The following PCBD2 variants were observed in gnomAD, a reference collection of about 807,000 sequenced individuals.
The protein encoded by PCBD2 is pterin-4-alpha-carbinolamine dehydratase 2.
PCBD2 carries 12 observed loss-of-function variants against 16.4 expected under a neutral mutation model. The ratio of observed to expected loss-of-function variants is 0.73; its 90% CI spans 0.47 to 1.19. PCBD2 has a LOEUF of 1.19. Ranked by LOEUF, PCBD2 falls within the 50% of genes most tolerant of loss-of-function variation. PCBD2 has a pLI of 0.00. For synonymous variants in PCBD2, 58 were observed against 61.8 expected (o/e 0.94, Z 0.29); for missense variants, 138 against 156.8 (o/e 0.88, Z 0.64).
At chr5:134,958,863 A>G (rs1316813750) in intron 2 of PCBD2, among the ~76,000 whole-genome samples, 177 bp from the exon 3 acceptor site, 1 of 152,192 alleles carries the variant, frequency 6.6e-6, no homozygotes, top group Admixed American at 6.5e-5. Flanking sequence ...AGTAGGTCAC[A>G]GTCCTGCTGC....
Position 134,906,924 on chromosome 5 carries a change from G to C in PCBD2, c.84+1701G>C, listed in dbSNP as rs1357871402. 4.6e-5 allele frequency among the ~76,000 whole-genome samples: 7 copies of C among 152,240 alleles called. No individual in the cohort carries two copies. The East Asian group carries it at 1.3e-3, about 29-fold the overall frequency. ...AATTAAGCCCACCACCAAGGGTTCTGCTGTGAATGTGCCCTCATGGGGGCC... is the reference window on the plus strand; with the variant it reads ...AATTAAGCCCACCACCAAGGGTTCTCCTGTGAATGTGCCCTCATGGGGGCC... On this transcript the variant is annotated intron_variant, in intron 1 of 3. Transcript: ENST00000254908.
chr5:134,908,049 A>C (rs1251628510), intron 1 of PCBD2, among the ~76,000 whole-genome samples: 1 of 150,510 alleles, frequency 6.6e-6, no homozygotes, highest in Non-Finnish European at 1.5e-5. Flanking sequence ...CCTCCCAAGT[A>C]GCTGAGACTA....
At chr5:134,910,613 C>G in intron 2 of PCBD2, 147 bp downstream of exon 2, 1 of 1,072,634 alleles carries the variant, frequency 9.3e-7, no homozygotes, top group Non-Finnish European at 1.3e-6. Flanking sequence ...AGAGTGACAT[C>G]CTTGTTGACA....
intron 1 of PCBD2, among the ~76,000 whole-genome samples, chr5:134,906,292 C>T (rs1338671361): frequency 1.3e-5 from 2 of 149,084 alleles, no homozygotes; most frequent in South Asian, 2.1e-4. Context: ...CAAGCTCCGC[C>T]TCCCGGGTTC....
At chr5:134,913,519 G>C (rs151182027) in intron 2 of PCBD2, among the ~76,000 whole-genome samples, 1 of 152,214 alleles carries the variant, frequency 6.6e-6, no homozygotes, top group East Asian at 1.9e-4. Flanking sequence ...ACGAGGGGAA[G>C]GGTCAGAGCA....
At chr5:134,911,924 C>A (rs959248134) in intron 2 of PCBD2, among the ~76,000 whole-genome samples, 1 of 152,206 alleles carries the variant, frequency 6.6e-6, no homozygotes, top group Non-Finnish European at 1.5e-5. Context: ...TAGCATTTTC[C>A]AAGCTTATTA....
chr5:134,910,876 G>A (rs1233266924), intron 2 of PCBD2, among the ~76,000 whole-genome samples: 2 of 152,068 alleles, frequency 1.3e-5, no homozygotes, highest in East Asian at 1.9e-4. Flanking sequence ...CTGCTGCCTC[G>A]ACCTCCTGGG....
At chr5:134,958,694 C>T (rs1751440532) in intron 2 of PCBD2, among the ~76,000 whole-genome samples, 1 of 152,148 alleles carries the variant, frequency 6.6e-6, no homozygotes, top group African/African-American at 2.4e-5. Flanking sequence ...TATTTGGAGC[C>T]AGGTAGTGAG....
intron 2 of PCBD2, chr5:134,928,160 G>T: frequency 2.6e-6 from 1 of 390,860 alleles, no homozygotes; most frequent in Non-Finnish European, 4.5e-6. Flanking sequence ...TACAATATTG[G>T]CTAAGAGGGA....
chr5:134,943,478 T>G lies in PCBD2; in HGVS notation c.217-15562T>G, dbSNP rs1298299370. 2.0e-5 allele frequency among the ~76,000 whole-genome samples: 3 copies of G among 152,236 alleles called. No individual in the cohort carries two copies. The East Asian group carries it at 5.8e-4, about 29-fold the overall frequency. On this transcript the variant is annotated intron_variant, in intron 2 of 3. Transcript: ENST00000254908. ...CCAGTATTGCAGATTTGTAATCTAT[T>G]ACTTTAAACTTTTACAAATGCTCAT... is the stretch of plus-strand genomic sequence containing the variant.
Position 134,927,699 on chromosome 5 carries a change from A to G in PCBD2, c.216+17233A>G, listed in dbSNP as rs75879538. The G allele has an allele frequency of 9.3e-5, 37 of 397,712 alleles. No homozygotes were observed. In the South Asian group the frequency reaches 2.8e-3, roughly 31 times the overall value. 24.6% of individuals were successfully genotyped at this position (397,712 alleles called of 1,614,324 possible). A position where few individuals can be genotyped will look rare whatever the true frequency, so the allele number is the denominator to read the frequency against. On this transcript the variant is annotated intron_variant, in intron 2 of 3. Transcript: ENST00000254908. ...GAAGATATAAAATATGATTAGTTCT[A>G]TGGCTGTGAATGTCATAATTAAGGA...
chr5:134,910,121 C>T (rs1399347857), intron 1 of PCBD2, among the ~76,000 whole-genome samples: 1 of 152,146 alleles, frequency 6.6e-6, no homozygotes, highest in Non-Finnish European at 1.5e-5. Flanking sequence ...TTTGAGGCAG[C>T]AGTAAGGGAG....
rs866716091 is a variant in PCBD2 at position 134,905,946 on chromosome 5, C to G, written c.84+723C>G. 4.8e-3 allele frequency among the ~76,000 whole-genome samples: 725 copies of G among 149,866 alleles called. 6 individuals carry two copies. The highest frequency in any genetic ancestry group is 0.017 in the African/African-American group (674 of 40,668). ...GGAGTGGAGTGGCGCGATCTCGGCT[C>G]ACTGCAACCTCCATCTCCTGGGTTC... On this transcript the variant is annotated intron_variant, in intron 1 of 3. Coordinates refer to ENST00000254908, the MANE Select transcript of PCBD2 (RefSeq NM_032151.5).
intron 2 of PCBD2, among the ~76,000 whole-genome samples, chr5:134,946,798 C>G (rs905324418): frequency 6.6e-6 from 1 of 152,128 alleles, no homozygotes; most frequent in Non-Finnish European, 1.5e-5. Flanking sequence ...AGTAGGCATT[C>G]TTTCTGCCCA....
intron 2 of PCBD2, 29 bp downstream of exon 2, chr5:134,910,495 G>A: frequency 6.2e-7 from 1 of 1,611,800 alleles, no homozygotes; most frequent in Non-Finnish European, 8.5e-7. Context: ...TGCTAGGGCT[G>A]TGGTCTATTT....
chr5:134,935,151 A>C (rs1751144261), intron 2 of PCBD2, among the ~76,000 whole-genome samples: 1 of 152,224 alleles, frequency 6.6e-6, no homozygotes, highest in East Asian at 1.9e-4. Flanking sequence ...GATTGGATTC[A>C]GGTGTAGCTT....
chr5:134,960,666 A>G lies in PCBD2; in HGVS notation c.378A>G (p.Ala126=). The G allele has an allele frequency of 6.2e-7, 1 of 1,611,228 alleles. No homozygotes were observed. Among genetic ancestry groups the G allele is most frequent in the Non-Finnish European group, 8.5e-7 (1 of 1,177,452 alleles). The part of the protein sequence containing the change: ...DVKLAKFIEK[A]AASV ...AGCTGGCCAAGTTTATTGAAAAAGC[A>G]GCTGCTTCTGTGTGATTTCTTCCAA... The change falls in exon 4 of 4, where the codon GCA becomes GCG. Residue 126 remains alanine, a synonymous_variant. Coordinates refer to ENST00000254908, the MANE Select transcript of PCBD2 (RefSeq NM_032151.5).
At chr5:134,931,454 A>G (rs984529603) in intron 2 of PCBD2, among the ~76,000 whole-genome samples, 1 of 152,198 alleles carries the variant, frequency 6.6e-6, no homozygotes, top group Non-Finnish European at 1.5e-5. Context: ...TCTATTGGGT[A>G]TAGTAGCTCA....
intron 2 of PCBD2, chr5:134,924,813 G>A: frequency 2.5e-6 from 1 of 392,914 alleles, no homozygotes. Flanking sequence ...GGAGGAGTAG[G>A]GGTAGGTTTT....
Sources: gnomAD v4.1 joint callset for allele counts (sites outside exome capture counted in the v4.1 genomes callset) on GRCh38, gnomAD v4.1.1 for gene constraint, MANE v1.5 for transcripts, NCBI Gene and HGNC (gene_info 2026-07-23, HGNC 2026-07-21) for gene names.